LY86: variants seen among roughly 807,000 people sequenced by gnomAD.
LY86 encodes MD-1, RP105-associated.
LY86 carries 20 observed loss-of-function variants against 17.3 expected under a neutral mutation model. That is an observed-to-expected ratio of 1.15 (90% CI 0.81 to 1.68). The LOEUF is 1.68. Among genes scored for constraint, LY86 ranks in the 40% most tolerant of loss-of-function variants. LY86 has a pLI of 0.00. For synonymous variants in LY86, 74 were observed against 70.6 expected (o/e 1.05, Z -0.24); for missense variants, 200 against 191.9 (o/e 1.04, Z -0.25).
intron 3 of LY86, among the ~76,000 whole-genome samples, chr6:6,634,141 A>T (rs895229204): frequency 3.3e-5 from 5 of 152,254 alleles, no homozygotes; most frequent in Non-Finnish European, 7.3e-5. Flanking sequence ...TCTCAGTATG[A>T]GCAAAATCCA....
chr6:6,591,305 C>T (rs111985906), intron 1 of LY86: 4,281 of 153,912 alleles, frequency 0.028, 78 homozygotes, highest in Middle Eastern at 0.061. Context: ...CAGTGAATGT[C>T]TTAGCCAAGC....
At chr6:6,638,376 T>C (rs780152643) in intron 3 of LY86, among the ~76,000 whole-genome samples, 11 of 152,282 alleles carry the variant, frequency 7.2e-5, no homozygotes, top group Non-Finnish European at 1.3e-4. Context: ...GAAAGTTTTA[T>C]GTCGCATATA....
At chr6:6,629,197 TTCATATAGTGTAAAATA>T (rs1359537419) in intron 3 of LY86, among the ~76,000 whole-genome samples, 1 of 152,214 alleles carries the variant, frequency 6.6e-6, no homozygotes, top group Non-Finnish European at 1.5e-5. Context: ...GCCAGAAAAC[TTCATATAGTGTAAAATA>T]TCATATAGTG....
At chr6:6,602,932 G>C (rs543912679) in intron 1 of LY86, among the ~76,000 whole-genome samples, 67 of 150,938 alleles carry the variant, frequency 4.4e-4, no homozygotes, top group African/African-American at 1.7e-3. Context: ...GTTCATTCAG[G>C]CTGCCATAAA....
At chr6:6,592,001 C>T (rs1444758230) in intron 1 of LY86, among the ~76,000 whole-genome samples, 3 of 152,098 alleles carry the variant, frequency 2.0e-5, no homozygotes, top group Non-Finnish European at 1.5e-5. Flanking sequence ...TCCCTTTGGC[C>T]AGGAGGTTGC....
intron 3 of LY86, 144 bp from the exon 4 acceptor site, chr6:6,649,481 C>CTGGG: frequency 1.7e-6 from 1 of 595,100 alleles, no homozygotes; most frequent in Admixed American, 3.3e-5. Flanking sequence ...AGGTGTAGAT[C>CTGGG]AGGAAATGAA....
At chr6:6,635,707 C>T (rs527255970) in intron 3 of LY86, among the ~76,000 whole-genome samples, 3 of 152,320 alleles carry the variant, frequency 2.0e-5, no homozygotes, top group Admixed American at 2.0e-4. Flanking sequence ...GCTTCTGGTC[C>T]TGCCCTTCAA....
At chr6:6,626,449 GC>G in intron 3 of LY86, 28 bp downstream of exon 3, 1 of 1,610,750 alleles carries the variant, frequency 6.2e-7, no homozygotes, top group African/African-American at 1.3e-5. Flanking sequence ...CTCACTGCTG[GC>G]AGGGGCCTGC....
intron 1 of LY86, among the ~76,000 whole-genome samples, chr6:6,611,688 G>T (rs376911659): frequency 6.6e-6 from 1 of 152,192 alleles, no homozygotes; most frequent in African/African-American, 2.4e-5. Flanking sequence ...GCTGCGCGCC[G>T]GTCGTGTTTG....
At position 6,654,743 on chromosome 6, in the gene LY86, A is replaced by G; in HGVS notation, c.*116A>G. ...GATGACAGAGAGAGGCTCTACAAAG[A>G]AGCGCCCCCAAAGAGTGCAGCTGCT... On this transcript the variant is annotated 3_prime_UTR_variant, in exon 5 of 5. Coordinates refer to ENST00000230568, the MANE Select transcript of LY86 (RefSeq NM_004271.4). 1 of 832,854 alleles carries G rather than the reference A, an allele frequency of 1.2e-6. No individual in the cohort carries two copies. 51.6% of individuals were successfully genotyped at this position (832,854 alleles called of 1,614,324 possible). A position where few individuals can be genotyped will look rare whatever the true frequency, so the allele number is the denominator to read the frequency against.
intron 1 of LY86, among the ~76,000 whole-genome samples, chr6:6,603,603 C>CAAAAAAACAA (rs1207511602): frequency 4.3e-5 from 3 of 70,462 alleles, no homozygotes; most frequent in East Asian, 3.1e-4. Context: ...AAAACAGAAA[C>CAAAAAAACAA]AGAAAAAAAA....
At chr6:6,653,136 A>T (rs1762212389) in intron 4 of LY86, among the ~76,000 whole-genome samples, 1 of 152,202 alleles carries the variant, frequency 6.6e-6, no homozygotes, top group African/African-American at 2.4e-5. Flanking sequence ...TCATGGAATC[A>T]CACCCAAGGC....
chr6:6,637,407 T>A (rs2103634), intron 3 of LY86, among the ~76,000 whole-genome samples: 5,203 of 152,264 alleles, frequency 0.034, 262 homozygotes, highest in African/African-American at 0.11. Context: ...GCTGCAACTG[T>A]ACTTTGACAT....
chr6:6,651,084 G>T (rs896448043), intron 4 of LY86, among the ~76,000 whole-genome samples: 2 of 152,090 alleles, frequency 1.3e-5, no homozygotes, highest in Admixed American at 1.3e-4. Flanking sequence ...GTATTCCATT[G>T]TGTATATATA....
intron 1 of LY86, among the ~76,000 whole-genome samples, chr6:6,607,389 GTTTAT>G (rs1016182612): frequency 1.3e-5 from 2 of 152,066 alleles, no homozygotes; most frequent in African/African-American, 4.8e-5. Context: ...AAAAAGAGAA[GTTTAT>G]TTTTAAGATT....
chr6:6,602,519 T>A (rs1164127726), intron 1 of LY86, among the ~76,000 whole-genome samples: 1 of 152,070 alleles, frequency 6.6e-6, no homozygotes, highest in Non-Finnish European at 1.5e-5. Flanking sequence ...AAGTTTAGAG[T>A]TTCCTCAGAA....
Position 6,590,118 on chromosome 6 carries a change from T to TTAAAAAA in LY86, c.136+1248_136+1249insTAAAAAA, listed in dbSNP as rs1305444257. 1.1e-4 allele frequency among the ~76,000 whole-genome samples: 9 copies of TTAAAAAA among 80,586 alleles called. No individual in the cohort carries two copies. In the East Asian group the frequency reaches 3.4e-3, roughly 31 times the overall value. 52.9% of individuals were successfully genotyped at this position (80,586 alleles called of 152,430 possible). A position where few individuals can be genotyped will look rare whatever the true frequency, so the allele number is the denominator to read the frequency against. On this transcript the variant is annotated intron_variant, in intron 1 of 4. Coordinates refer to ENST00000230568, the MANE Select transcript of LY86 (RefSeq NM_004271.4). Reference sequence around the variant, plus strand: ...GGGCAAGAGGAGCGAAACTCTGTCTTAAAAAAAAAAAAAAAAAAAAAAAAG... The same window carrying TTAAAAAA: ...GGGCAAGAGGAGCGAAACTCTGTCTTTAAAAAAAAAAAAAAAAAAAAAAAAAAAAAAG...
intron 1 of LY86, among the ~76,000 whole-genome samples, chr6:6,622,458 G>A (rs1761702534): frequency 6.6e-6 from 1 of 152,130 alleles, no homozygotes; most frequent in African/African-American, 2.4e-5. Context: ...GATGTAGCAG[G>A]AACTATCGTC....
chr6:6,623,331 G>C (rs559193086), intron 1 of LY86, among the ~76,000 whole-genome samples: 1 of 152,208 alleles, frequency 6.6e-6, no homozygotes, highest in Non-Finnish European at 1.5e-5. Context: ...TGTTACTGCA[G>C]TAGCTTAGGG....
Sources: gnomAD v4.1 joint callset for allele counts (sites outside exome capture counted in the v4.1 genomes callset) on GRCh38, gnomAD v4.1.1 for gene constraint, MANE v1.5 for transcripts, NCBI Gene and HGNC (gene_info 2026-07-23, HGNC 2026-07-21) for gene names.